Variants in ZEB2 observed in about 807,000 individuals in gnomAD.
ZEB2 encodes the protein zinc finger E-box-binding homeobox 2.
A neutral mutation model predicts 99.9 loss-of-function variants in ZEB2; 6 were observed. That is an observed-to-expected ratio of 0.06 (90% CI 0.03 to 0.12). The LOEUF (loss-of-function observed/expected upper bound fraction) is 0.12, where lower values mean the gene tolerates loss of function less well. ZEB2 is among the 10% of genes least tolerant of loss of function. The pLI is 1.00. For missense variants in ZEB2, 969 were observed against 1,502.8 expected, an observed-to-expected ratio of 0.64 and a Z score of 5.87; for synonymous variants, 517 against 542.5, an observed-to-expected ratio of 0.95 and a Z score of 0.65.
intron 2 of ZEB2, among the ~76,000 whole-genome samples, chr2:144,466,119 C>G (rs1363070504): frequency 6.6e-6 from 1 of 152,208 alleles, no homozygotes; most frequent in Non-Finnish European, 1.5e-5. Flanking sequence ...TCACAAGGTG[C>G]ATCATTTAAT....
intron 2 of ZEB2, chr2:144,513,635 T>C (rs1705080936): frequency 6.5e-7 from 1 of 1,533,436 alleles, no homozygotes; most frequent in African/African-American, 1.4e-5. Flanking sequence ...CAGACCCTCT[T>C]CCCGGGCTCC....
intron 2 of ZEB2, chr2:144,463,454 A>G (rs938638652): frequency 3.3e-5 from 5 of 152,160 alleles, no homozygotes; most frequent in African/African-American, 1.2e-4. Context: ...CTTTCTTGGC[A>G]CCTGGTTATC....
chr2:144,513,527 C>G, intron 2 of ZEB2: 1 of 1,529,290 alleles, frequency 6.5e-7, no homozygotes. Flanking sequence ...ATTTCTTTCT[C>G]TGAAACAAGC....
intron 2 of ZEB2, among the ~76,000 whole-genome samples, chr2:144,469,279 C>T (rs776454396): frequency 6.6e-6 from 1 of 152,170 alleles, no homozygotes; most frequent in Non-Finnish European, 1.5e-5. Flanking sequence ...CATTGCAGTT[C>T]AGTTCTTGGT....
intron 2 of ZEB2, chr2:144,461,100 T>TTTC (rs1326609200): frequency 4.1e-4 from 1 of 2,420 alleles, no homozygotes; most frequent in Non-Finnish European, 1.6e-3. Context: ...TTTCTTTTTC[T>TTTC]TTTTTTTTTT....
chr2:144,517,238 C>G, intron 2 of ZEB2, 40 bp downstream of exon 2: 1 of 1,611,908 alleles, frequency 6.2e-7, no homozygotes, highest in African/African-American at 1.3e-5. Flanking sequence ...TCTCGAGCCG[C>G]GTAGTGGCCC....
At chr2:144,514,043 C>T (rs900783069) in intron 2 of ZEB2, 1 of 697,646 alleles carries the variant, frequency 1.4e-6, no homozygotes. Flanking sequence ...TTCATCCTTT[C>T]CATGTGGGGG....
chr2:144,454,882 C>T (rs538176187), intron 2 of ZEB2, among the ~76,000 whole-genome samples: 1 of 152,236 alleles, frequency 6.6e-6, no homozygotes, highest in Non-Finnish European at 1.5e-5. Flanking sequence ...GAGCATCACA[C>T]ACACACACCC....
intron 2 of ZEB2, among the ~76,000 whole-genome samples, chr2:144,515,736 C>G (rs1221907151): frequency 6.6e-6 from 1 of 151,600 alleles, no homozygotes; most frequent in Non-Finnish European, 1.5e-5. Context: ...GGCTCGACAC[C>G]TCCACCACAA....
At chr2:144,405,335 C>A in intron 4 of ZEB2, 1 of 329,860 alleles carries the variant, frequency 3.0e-6, no homozygotes, top group East Asian at 7.3e-5. Context: ...TTTTAAAAAG[C>A]CAACAACTGC....
At chr2:144,416,411 C>T (rs1703541066) in intron 4 of ZEB2, among the ~76,000 whole-genome samples, 1 of 152,164 alleles carries the variant, frequency 6.6e-6, no homozygotes, top group Admixed American at 6.5e-5. Context: ...GATATTCCTT[C>T]CTAATAATTG....
In ZEB2 at chr2:144,487,653, T is replaced by C. The variant is rs776857841; in HGVS notation, c.73+29625A>G. Among the ~76,000 whole-genome samples, 44 of 152,224 alleles carry C rather than the reference T, an allele frequency of 2.9e-4. 1 individual carries two copies. Among genetic ancestry groups the C allele is most frequent in the Admixed American group, 1.4e-3 (22 of 15,284 alleles). On this transcript the variant is annotated intron_variant, in intron 2 of 9. Coordinates refer to ENST00000627532, the MANE Select transcript of ZEB2 (RefSeq NM_014795.4). ...ACTAGGTTTTCAAATGCAGTACCAA[T>C]GGCAAAGCTGATTTTGGTATACTTT...
chr2:144,400,986 T>A (rs972297707), intron 7 of ZEB2, among the ~76,000 whole-genome samples: 1 of 152,242 alleles, frequency 6.6e-6, no homozygotes, highest in Non-Finnish European at 1.5e-5. Context: ...TTTGTAATTT[T>A]TAAGACATGT....
At chr2:144,434,139 T>A (rs1247547275) in intron 2 of ZEB2, among the ~76,000 whole-genome samples, 1 of 152,164 alleles carries the variant, frequency 6.6e-6, no homozygotes, top group Admixed American at 6.5e-5. Flanking sequence ...CAATACTTCG[T>A]CTTCACCAGA....
chr2:144,396,614 C>T (rs1168871094), intron 8 of ZEB2, 22 bp from the exon 9 acceptor site: 1 of 1,609,836 alleles, frequency 6.2e-7, no homozygotes, highest in Admixed American at 1.7e-5. Flanking sequence ...TCACACAGTT[C>T]AATACAGTGG....
chr2:144,417,229 A>AT (rs979425422), intron 4 of ZEB2, among the ~76,000 whole-genome samples: 10 of 151,496 alleles, frequency 6.6e-5, no homozygotes, highest in African/African-American at 1.9e-4. Context: ...TGTCATTATG[A>AT]TTTTTTTTTA....
chr2:144,474,892 T>C (rs1203121067), intron 2 of ZEB2, among the ~76,000 whole-genome samples: 1 of 152,216 alleles, frequency 6.6e-6, no homozygotes, highest in Non-Finnish European at 1.5e-5. Context: ...GAAAGAAATA[T>C]AACATTTTTA....
At chr2:144,501,249 A>T (rs565863020) in intron 2 of ZEB2, among the ~76,000 whole-genome samples, 2 of 152,300 alleles carry the variant, frequency 1.3e-5, no homozygotes, top group African/African-American at 4.8e-5. Flanking sequence ...AATACACTGC[A>T]TTGGTATCGT....
chr2:144,436,552 C>T (rs572938223), intron 2 of ZEB2, among the ~76,000 whole-genome samples: 3 of 152,306 alleles, frequency 2.0e-5, no homozygotes, highest in South Asian at 2.1e-4. Context: ...TTCCTGGTTA[C>T]AGGAGCATCT....
Sources: allele counts gnomAD v4.1 joint callset (sites outside exome capture counted in the v4.1 genomes callset), GRCh38; gene constraint gnomAD v4.1.1; transcripts MANE v1.5; gene names NCBI Gene and HGNC (gene_info 2026-07-23, HGNC 2026-07-21).